Variants in FAM149A observed in about 807,000 individuals in gnomAD.
FAM149A encodes the protein family with sequence similarity 149 member A.
Under a neutral mutation model 78.2 loss-of-function variants are expected in FAM149A, and 71 were observed. That is an observed-to-expected ratio of 0.91 (90% CI 0.75 to 1.11). The LOEUF is 1.11. Among genes scored for constraint, FAM149A ranks in the 50% least tolerant of loss-of-function variants. The pLI is 0.00. For synonymous variants in FAM149A, 446 were observed against 410.5 expected, an observed-to-expected ratio of 1.09 and a Z score of -1.04; for missense variants, 1,036 against 971.0, an observed-to-expected ratio of 1.07 and a Z score of -0.89.
chr4:186,167,061 C>T lies in FAM149A; in HGVS notation c.2104C>T (p.Arg702Trp), dbSNP rs201736695. 236 of 1,614,110 alleles carry T rather than the reference C, an allele frequency of 1.5e-4. No homozygotes were observed. The African/African-American group carries it at 2.5e-3, about 17-fold the overall frequency. The change falls in exon 12 of 14, where the codon CGG (arginine) becomes TGG (tryptophan). Residue 702 changes from arginine (R) to tryptophan (W), a missense_variant. Physicochemically the swap from Arg to Trp is moderately radical, Grantham distance 101. Transcript: ENST00000389354. Reference sequence around the variant, plus strand: ...TCGAGAAAGAACAGCCACCCTGGAACGGTTGTCAAGGCCCAGCACAACCCA... The same window carrying T: ...TCGAGAAAGAACAGCCACCCTGGAATGGTTGTCAAGGCCCAGCACAACCCA...
rs545750088 is a variant in FAM149A, at chr4:186,149,823, G to A, written c.789+119G>A. 3.7e-5 allele frequency: 20 copies of A among 546,456 alleles called. No individual in the cohort carries two copies. The South Asian group carries it at 4.2e-4, about 11-fold the overall frequency. The allele number at this position is 546,456 out of a possible 1,614,324, so 33.9% of individuals were successfully genotyped here. ...AGCATGACCTATTGCATACATACAT[G>A]TACATACATGTAAAAGCATGTACAT... On this transcript the variant is annotated intron_variant, in intron 3 of 13. Coordinates refer to ENST00000389354, the MANE Select transcript of FAM149A (RefSeq NM_001367768.3).
chr4:186,118,648 G>A (rs1370008946), intron 1 of FAM149A, among the ~76,000 whole-genome samples: 1 of 152,136 alleles, frequency 6.6e-6, no homozygotes, highest in Non-Finnish European at 1.5e-5. Context: ...AAACAAAACA[G>A]CCAATGATGA....
chr4:186,169,158 T>C lies in FAM149A; in HGVS notation c.2218+1896T>C, dbSNP rs1470921109. 8 of 980,788 alleles carry C rather than the reference T, an allele frequency of 8.2e-6. No homozygotes were observed. In the East Asian group the frequency reaches 6.8e-4, roughly 84 times the overall value. 60.8% of individuals were successfully genotyped at this position (980,788 alleles called of 1,614,324 possible). A position where few individuals can be genotyped will look rare whatever the true frequency, so the allele number is the denominator to read the frequency against. On this transcript the variant is annotated intron_variant, in intron 13 of 13. Coordinates refer to ENST00000389354, the MANE Select transcript of FAM149A (RefSeq NM_001367768.3). ...AATTTGTTCTAAATCTCACTGTTAA[T>C]CATTGACCAAATGCCAAGTCAGTGT...
chr4:186,129,123 G>A (rs970913318), intron 1 of FAM149A, among the ~76,000 whole-genome samples: 1 of 146,580 alleles, frequency 6.8e-6, no homozygotes, highest in African/African-American at 2.5e-5. Context: ...GTGTATGAGT[G>A]TGTATGTGCC....
intron 8 of FAM149A, chr4:186,158,437 G>A: frequency 8.6e-7 from 1 of 1,156,284 alleles, no homozygotes; most frequent in Non-Finnish European, 1.1e-6. Flanking sequence ...GGGCATGCGT[G>A]ACACCATCCC....
chr4:186,109,312 T>TTC lies in FAM149A; in HGVS notation c.566+3671_566+3672insCT, dbSNP rs1491476458. 19 of 369,522 alleles carry TTC rather than the reference T, an allele frequency of 5.1e-5. No individual in the cohort carries two copies. In the African/African-American group the frequency reaches 5.7e-4, roughly 11 times the overall value. 22.9% of individuals were successfully genotyped at this position (369,522 alleles called of 1,614,324 possible). On this transcript the variant is annotated intron_variant, in intron 1 of 13. Coordinates refer to ENST00000389354, the MANE Select transcript of FAM149A (RefSeq NM_001367768.3). ...GTTATTAGCAAGCATATATTCACTC[T>TTC]TTTTTTTTTTGAGTGATTGAGTTCC... is the stretch of plus-strand genomic sequence containing the variant.
At chr4:186,110,364 G>A (rs2150077814) in intron 1 of FAM149A, 2 of 963,698 alleles carry the variant, frequency 2.1e-6, no homozygotes, top group Non-Finnish European at 1.2e-6. Flanking sequence ...CGGTGGCTCA[G>A]TGTACAATTG....
Position 186,117,388 on chromosome 4 carries a change from G to T in FAM149A, c.566+11746G>T. 3.1e-6 allele frequency: 3 copies of T among 966,080 alleles called. No individual in the cohort carries two copies. In the South Asian group the frequency reaches 1.4e-4, roughly 46 times the overall value. The allele number at this position is 966,080 out of a possible 1,614,324, so 59.8% of individuals were successfully genotyped here. A position where few individuals can be genotyped will look rare whatever the true frequency, so the allele number is the denominator to read the frequency against. ...TGGAAATGGATCTTATGAAAAAGCA[G>T]GAAAAATAAGATAAATGATCCAAGA... On this transcript the variant is annotated intron_variant, in intron 1 of 13. Coordinates refer to ENST00000389354, the MANE Select transcript of FAM149A (RefSeq NM_001367768.3).
intron 1 of FAM149A, chr4:186,146,673 G>A: frequency 1.4e-6 from 1 of 715,656 alleles, no homozygotes; most frequent in Non-Finnish European, 1.7e-6. Flanking sequence ...CTTGAGCAGA[G>A]CAGATGCTCC....
Position 186,174,638 on chromosome 4 carries a change from T to C in FAM149A, c.*2651T>C, listed in dbSNP as rs1735668898. 5.4e-5 allele frequency among the ~76,000 whole-genome samples: 6 copies of C among 111,412 alleles called. 3 individuals are homozygous for C. In the East Asian group the frequency reaches 1.3e-3, roughly 25 times the overall value. 73.1% of individuals were successfully genotyped at this position (111,412 alleles called of 152,430 possible). On this transcript the variant is annotated 3_prime_UTR_variant, in exon 14 of 14. Transcript: ENST00000389354. The stretch of plus-strand genomic sequence containing the variant: ...CAAAATATTTTTTAAAAAGTGATCT[T>C]GAGTCTTCTAAACATTAAATTGGAA...
chr4:186,111,464 C>T (rs2099311249), intron 1 of FAM149A, among the ~76,000 whole-genome samples: 1 of 151,988 alleles, frequency 6.6e-6, no homozygotes, highest in Non-Finnish European at 1.5e-5. Context: ...ACATGAAGTC[C>T]TTGCCCATGC....
At position 186,164,494 on chromosome 4, in the gene FAM149A, T is replaced by G. The variant is rs1734862056; in HGVS notation, c.1890-850T>G. The G allele has an allele frequency of 1.0e-6, 1 of 985,190 alleles. No homozygotes were observed. Among genetic ancestry groups the G allele is most frequent in the Non-Finnish European group, 1.2e-6 (1 of 829,814 alleles). 61.0% of individuals were successfully genotyped at this position (985,190 alleles called of 1,614,324 possible). On this transcript the variant is annotated intron_variant, in intron 10 of 13. Coordinates refer to ENST00000389354, the MANE Select transcript of FAM149A (RefSeq NM_001367768.3). This position sits in a 1 kb window ranked among gnomAD's most constrained non-coding sequence, Gnocchi z 4.0. ...ACCTGGCACCCAGACTTTTTCCAGA[T>G]GCAGTCATAACCCCCCTTTCAGCTT...
chr4:186,158,553 G>A (rs1734253333), intron 8 of FAM149A: 1 of 921,908 alleles, frequency 1.1e-6, no homozygotes, highest in Admixed American at 1.2e-4. Flanking sequence ...TGGCCAAGGG[G>A]GAGTTTCAGG....
At position 186,151,951 on chromosome 4, in the gene FAM149A, G is replaced by A. The variant is rs1733618348; in HGVS notation, c.838G>A (p.Val280Met). 5.6e-6 allele frequency: 9 copies of A among 1,614,074 alleles called. No individual in the cohort carries two copies. The highest frequency in any genetic ancestry group is 1.3e-5 in the African/African-American group (1 of 74,930). Reference sequence around the variant, plus strand: ...GTCAGTGCAGCGGTTACTCTGGGAGGTGGAGGAAATGTTATTTGAAGGGAA... The same window carrying A: ...GTCAGTGCAGCGGTTACTCTGGGAGATGGAGGAAATGTTATTTGAAGGGAA... The change falls in exon 4 of 14, where the codon GTG becomes ATG. Residue 280 changes from valine (V) to methionine (M), a missense_variant. Transcript: ENST00000389354.
At chr4:186,136,972 C>CTT (rs1561396384) in intron 1 of FAM149A, among the ~76,000 whole-genome samples, 2 of 74,414 alleles carry the variant, frequency 2.7e-5, no homozygotes, top group Non-Finnish European at 5.1e-5. Flanking sequence ...CTTTCTCTCT[C>CTT]TCTTTCTCTC....
chr4:186,157,931 C>T (rs748336759), intron 8 of FAM149A: 72 of 1,529,676 alleles, frequency 4.7e-5, no homozygotes, highest in Non-Finnish European at 5.2e-5. Context: ...CTATGAAGGA[C>T]GAGGATGTGC....
intron 1 of FAM149A, among the ~76,000 whole-genome samples, chr4:186,136,683 A>C (rs1303793423): frequency 1.3e-5 from 2 of 152,162 alleles, no homozygotes; most frequent in Non-Finnish European, 2.9e-5. Flanking sequence ...CATTTATAGC[A>C]ATTTCAAAAT....
chr4:186,149,212 T>C lies in FAM149A; in HGVS notation c.606T>C (p.Thr202=). ...AAGGACGTAGAAGGCACGGTTTTAC[T>C]GTGAGGAGCAAAGATTCTTTACCTA... Residue 202 remains threonine (T), a synonymous_variant, in exon 2 of 14, where the codon ACT becomes ACC. Transcript: ENST00000389354. 1 of 1,289,164 alleles carries C rather than the reference T, an allele frequency of 7.8e-7. No individual in the cohort carries two copies. The highest frequency in any genetic ancestry group is 1.0e-6 in the Non-Finnish European group (1 of 988,430). 79.9% of individuals were successfully genotyped at this position (1,289,164 alleles called of 1,614,324 possible).
chr4:186,133,511 A>C (rs955928323), intron 1 of FAM149A, among the ~76,000 whole-genome samples: 2 of 152,232 alleles, frequency 1.3e-5, no homozygotes, highest in African/African-American at 4.8e-5. Context: ...TTTAAGGTTC[A>C]TCCATGTTAT....
Sources: gnomAD v4.1 joint callset for allele counts (sites outside exome capture counted in the v4.1 genomes callset) on GRCh38, gnomAD v4.1.1 for gene constraint, Gnocchi (gnomAD v3.1) non-coding constraint, MANE v1.5 for transcripts, NCBI Gene and HGNC (gene_info 2026-07-23, HGNC 2026-07-21) for gene names.